The following POU6F2 variants were observed in gnomAD, a reference collection of about 807,000 sequenced individuals.
The protein encoded by POU6F2 is POU domain, class 6, transcription factor 2.
In POU6F2, 31 loss-of-function variants were observed where a neutral mutation model predicts 71.3. The observed-to-expected ratio is 0.43, with a 90% CI of 0.33 to 0.59. The LOEUF (loss-of-function observed/expected upper bound fraction) is 0.59. POU6F2 is among the 20% of genes least tolerant of loss of function. POU6F2 has a pLI of 0.04. For synonymous variants in POU6F2, 347 were observed against 355.7 expected, an observed-to-expected ratio of 0.98 and a Z score of 0.27; for missense variants, 783 against 856.8, an observed-to-expected ratio of 0.91 and a Z score of 1.07.
chr7:39,248,164 G>T (rs1220987910), intron 4 of POU6F2, among the ~76,000 whole-genome samples: 2 of 152,084 alleles, frequency 1.3e-5, no homozygotes, highest in Non-Finnish European at 2.9e-5. Flanking sequence ...ATATTGACTT[G>T]TTAAGAGATA....
At chr7:39,340,417 G>A (rs1785892924) in intron 5 of POU6F2, among the ~76,000 whole-genome samples, 1 of 152,180 alleles carries the variant, frequency 6.6e-6, no homozygotes, top group South Asian at 2.1e-4. Context: ...ATGAGGCATG[G>A]TGGTTATTTC....
intron 2 of POU6F2, among the ~76,000 whole-genome samples, chr7:39,178,703 A>T (rs905284698): frequency 1.3e-5 from 2 of 152,198 alleles, no homozygotes; most frequent in Non-Finnish European, 1.5e-5. Context: ...GAGACAGCAA[A>T]GCCAAAAAAC....
intron 4 of POU6F2, among the ~76,000 whole-genome samples, chr7:39,209,795 G>A (rs998126046): frequency 6.6e-6 from 1 of 152,140 alleles, no homozygotes; most frequent in African/African-American, 2.4e-5. Flanking sequence ...TCAATGGCTT[G>A]TGGAGCTTTC....
chr7:39,179,889 C>T (rs1315943284), intron 2 of POU6F2, among the ~76,000 whole-genome samples: 4 of 152,174 alleles, frequency 2.6e-5, no homozygotes, highest in South Asian at 2.1e-4. Context: ...TCATTTCTCC[C>T]ATCTTCCAAA....
chr7:39,145,769 G>A (rs1310407380), intron 2 of POU6F2, among the ~76,000 whole-genome samples: 1 of 152,156 alleles, frequency 6.6e-6, no homozygotes, highest in African/African-American at 2.4e-5. Context: ...GGTTGTGGAT[G>A]ATTCTTATTG....
intron 2 of POU6F2, among the ~76,000 whole-genome samples, chr7:39,201,201 C>G (rs6955794): frequency 0.82 from 125,283 of 152,166 alleles, 51,939 homozygotes; most frequent in East Asian, 1. Flanking sequence ...ACTTTTACAA[C>G]GTGATGCATG....
intron 1 of POU6F2, among the ~76,000 whole-genome samples, chr7:39,038,223 C>T (rs187617693): frequency 7.2e-5 from 11 of 152,054 alleles, no homozygotes; most frequent in Non-Finnish European, 1.3e-4. Flanking sequence ...GATACAAGAT[C>T]ACATTTTTTT....
At chr7:39,314,810 C>A (rs1785231770) in intron 4 of POU6F2, among the ~76,000 whole-genome samples, 1 of 152,076 alleles carries the variant, frequency 6.6e-6, no homozygotes, top group African/African-American at 2.4e-5. Context: ...AGAATTGTTC[C>A]TAGTTCTTTA....
chr7:39,448,415 T>G (rs1359094020), intron 7 of POU6F2, among the ~76,000 whole-genome samples: 2 of 152,244 alleles, frequency 1.3e-5, no homozygotes, highest in African/African-American at 4.8e-5. Flanking sequence ...TTTTCTGAAC[T>G]GTTTGGTTGA....
chr7:39,260,679 T>C (rs185066092), intron 4 of POU6F2, among the ~76,000 whole-genome samples: 2,935 of 150,208 alleles, frequency 0.02, 40 homozygotes, highest in Non-Finnish European at 0.031. Flanking sequence ...ACACACCAGA[T>C]GCCACACATA....
chr7:39,010,240 GT>G lies in POU6F2; in HGVS notation c.105+32185del, dbSNP rs1329902803. 2.2e-4 allele frequency among the ~76,000 whole-genome samples: 30 copies of G among 135,190 alleles called. 1 individual carries two copies. In the East Asian group the frequency reaches 2.3e-3, roughly 11 times the overall value. The allele number at this position is 135,190 out of a possible 152,430, so 88.7% of individuals were successfully genotyped here. ...TATTCAGAGATTCAACTTCTTCCTG[GT>G]TTAGTCTTGGGAGGGTGTATGTGTT... On this transcript the variant is annotated intron_variant, in intron 1 of 9. Coordinates refer to ENST00000518318, the MANE Select transcript of POU6F2 (RefSeq NM_001370959.1).
At chr7:38,981,364 G>A (rs997161329) in intron 1 of POU6F2, among the ~76,000 whole-genome samples, 3 of 151,834 alleles carry the variant, frequency 2.0e-5, no homozygotes, top group Non-Finnish European at 4.4e-5. Flanking sequence ...TCATACAGTC[G>A]GGTCACTGTG....
intron 2 of POU6F2, among the ~76,000 whole-genome samples, chr7:39,146,833 C>T (rs1013582918): frequency 1.3e-5 from 2 of 152,136 alleles, no homozygotes; most frequent in Non-Finnish European, 2.9e-5. Context: ...GACTCTTTAT[C>T]CCCAGGCAAG....
chr7:39,373,222 A>G (rs1265568850), intron 5 of POU6F2, among the ~76,000 whole-genome samples: 1 of 152,246 alleles, frequency 6.6e-6, no homozygotes, highest in Non-Finnish European at 1.5e-5. Flanking sequence ...ATATGACCAT[A>G]GTAGCAGTGA....
intron 5 of POU6F2, among the ~76,000 whole-genome samples, chr7:39,352,437 C>T (rs1361973880): frequency 6.6e-6 from 1 of 152,096 alleles, no homozygotes; most frequent in Non-Finnish European, 1.5e-5. Context: ...CACTCTTTTT[C>T]GAGAGCAAAA....
intron 1 of POU6F2, among the ~76,000 whole-genome samples, chr7:39,062,702 G>C (rs922062015): frequency 5.4e-5 from 8 of 149,256 alleles, no homozygotes; most frequent in Non-Finnish European, 1.2e-4. Context: ...AATCATTAGT[G>C]TGACAGTGGT....
At chr7:39,123,096 C>T (rs745646193) in intron 2 of POU6F2, among the ~76,000 whole-genome samples, 6 of 152,126 alleles carry the variant, frequency 3.9e-5, no homozygotes, top group Non-Finnish European at 8.8e-5. Context: ...TGAACCTAAA[C>T]GGTGTTAGTT....
intron 6 of POU6F2, among the ~76,000 whole-genome samples, chr7:39,421,495 G>C (rs1038095490): frequency 2.0e-5 from 3 of 152,118 alleles, no homozygotes; most frequent in African/African-American, 4.8e-5. Context: ...TTAGAGGCTT[G>C]TTTTGTTGTT....
intron 8 of POU6F2, among the ~76,000 whole-genome samples, chr7:39,455,883 T>C (rs1207050147): frequency 6.6e-6 from 1 of 152,210 alleles, no homozygotes; most frequent in Admixed American, 6.5e-5. Flanking sequence ...TTTTTTACTT[T>C]CAGTCCATGC....
Sources: gnomAD v4.1 joint callset for allele counts (sites outside exome capture counted in the v4.1 genomes callset) on GRCh38, gnomAD v4.1.1 for gene constraint, MANE v1.5 for transcripts, NCBI Gene and HGNC (gene_info 2026-07-23, HGNC 2026-07-21) for gene names.